The following L3MBTL4 variants were observed in gnomAD, a reference collection of about 807,000 sequenced individuals.
The protein encoded by L3MBTL4 is L3MBTL histone methyl-lysine binding protein 4, also known as lethal(3)malignant brain tumor-like protein 4.
L3MBTL4 carries 70 observed loss-of-function variants against 84.5 expected under a neutral mutation model. The ratio of observed to expected loss-of-function variants is 0.83; its 90% CI spans 0.68 to 1.01. The LOEUF (loss-of-function observed/expected upper bound fraction) is 1.01, where lower values mean the gene tolerates loss of function less well. Ranked by LOEUF, L3MBTL4 falls within the 50% of genes least tolerant of loss-of-function variation. The pLI is 0.00. For missense variants in L3MBTL4, 715 were observed against 754.8 expected (o/e 0.95, Z 0.62); for synonymous variants, 274 against 259.8 (o/e 1.05, Z -0.52).
At chr18:6,402,885 CA>C (rs1221383303) in intron 1 of L3MBTL4, among the ~76,000 whole-genome samples, 2 of 152,182 alleles carry the variant, frequency 1.3e-5, no homozygotes, top group Non-Finnish European at 2.9e-5. Context: ...ATTTGCCCTT[CA>C]GCAAACCCTC....
intron 16 of L3MBTL4, among the ~76,000 whole-genome samples, chr18:6,012,550 C>A (rs993444439): frequency 7.2e-5 from 11 of 151,966 alleles, no homozygotes; most frequent in African/African-American, 2.4e-4. Flanking sequence ...AGAGTCTGGG[C>A]GCAGTGGCTC....
At chr18:6,134,431 A>AAGTC in intron 14 of L3MBTL4, among the ~76,000 whole-genome samples, 1 of 152,238 alleles carries the variant, frequency 6.6e-6, no homozygotes, top group African/African-American at 2.4e-5. Context: ...ATTAACCCAA[A>AAGTC]AGTCCACAGT....
intron 4 of L3MBTL4, among the ~76,000 whole-genome samples, chr18:6,288,499 A>G (rs1299410274): frequency 1.3e-5 from 2 of 152,220 alleles, no homozygotes; most frequent in Non-Finnish European, 2.9e-5. Context: ...GTCAGACAGT[A>G]AACATCTGCT....
intron 13 of L3MBTL4, among the ~76,000 whole-genome samples, chr18:6,163,332 C>A (rs969675736): frequency 2.1e-5 from 3 of 139,916 alleles, no homozygotes; most frequent in Non-Finnish European, 3.0e-5. Flanking sequence ...TTTGCTTTCA[C>A]AATAGGGGCA....
chr18:6,226,415 A>C (rs1442058889), intron 10 of L3MBTL4, among the ~76,000 whole-genome samples: 2 of 152,208 alleles, frequency 1.3e-5, no homozygotes, highest in Non-Finnish European at 2.9e-5. Flanking sequence ...CCAAATAATA[A>C]TAATAAAATA....
intron 13 of L3MBTL4, among the ~76,000 whole-genome samples, chr18:6,159,429 T>C (rs1046150844): frequency 1.3e-5 from 2 of 152,250 alleles, no homozygotes; most frequent in African/African-American, 4.8e-5. Context: ...GGTTTGGATC[T>C]GATAAGTCCT....
chr18:6,031,664 G>A (rs2055807122), intron 16 of L3MBTL4: 1 of 981,136 alleles, frequency 1.0e-6, no homozygotes, highest in African/African-American at 1.8e-5. Flanking sequence ...AGCTTCACAG[G>A]TCTCATCCTC....
intron 4 of L3MBTL4, among the ~76,000 whole-genome samples, chr18:6,284,609 C>G (rs1042327756): frequency 6.6e-6 from 1 of 152,272 alleles, no homozygotes; most frequent in Non-Finnish European, 1.5e-5. Context: ...TTCCCAAGCC[C>G]CCGGTCGCTT....
chr18:6,078,677 C>T (rs1019499482), intron 16 of L3MBTL4, among the ~76,000 whole-genome samples: 1 of 152,120 alleles, frequency 6.6e-6, no homozygotes, highest in Non-Finnish European at 1.5e-5. Flanking sequence ...GCACCAGGAA[C>T]TGGTTTCATG....
At chr18:6,149,460 TG>T (rs1209549464) in intron 13 of L3MBTL4, among the ~76,000 whole-genome samples, 2 of 151,934 alleles carry the variant, frequency 1.3e-5, no homozygotes, top group African/African-American at 4.8e-5. Flanking sequence ...GTTGGACATT[TG>T]GGTTGGTTCC....
chr18:6,044,787 T>C (rs1344822780), intron 16 of L3MBTL4, among the ~76,000 whole-genome samples: 1 of 152,190 alleles, frequency 6.6e-6, no homozygotes, highest in Non-Finnish European at 1.5e-5. Context: ...CATGTCTTCT[T>C]CCCATCCTTA....
At chr18:6,343,859 T>C (rs1490098995) in intron 1 of L3MBTL4, among the ~76,000 whole-genome samples, 1 of 151,424 alleles carries the variant, frequency 6.6e-6, no homozygotes, top group Non-Finnish European at 1.5e-5. Flanking sequence ...GACAAACAAA[T>C]ATGGAAACAT....
intron 5 of L3MBTL4, among the ~76,000 whole-genome samples, chr18:6,245,266 T>C (rs1046576113): frequency 2.0e-5 from 3 of 152,162 alleles, no homozygotes; most frequent in Admixed American, 6.5e-5. Context: ...TGGAAGACTG[T>C]TCTTATATGT....
chr18:5,960,160 C>T lies in L3MBTL4; in HGVS notation c.1615-4G>A. The stretch of plus-strand genomic sequence containing the variant: ...GAGACTGTACAAACTCAGCCACCTA[C>T]AGTGCGAGATGAAAAGCCTAATTTA... On this transcript the variant is annotated splice_polypyrimidine_tract_variant and splice_region_variant and intron_variant, in intron 17 of 18. Transcript: ENST00000317931. 1.3e-6 allele frequency: 2 copies of T among 1,587,324 alleles called. No individual in the cohort carries two copies. The highest frequency in any genetic ancestry group is 8.6e-7 in the Non-Finnish European group (1 of 1,164,440).
rs2050840456 is a variant in L3MBTL4 at position 6,311,665 on chromosome 18, C to T, written c.-31-9G>A. 6.5e-7 allele frequency: 1 copy of T among 1,548,278 alleles called. No homozygotes were observed. Among genetic ancestry groups the T allele is most frequent in the Non-Finnish European group, 8.9e-7 (1 of 1,120,412 alleles). On this transcript the variant is annotated splice_polypyrimidine_tract_variant and intron_variant, in intron 2 of 18. Coordinates refer to ENST00000317931, the MANE Select transcript of L3MBTL4 (RefSeq NM_001330559.2). ...TCCTTGGCAGTGGTTTTCTGTAAAA[C>T]AGGGTTACATAAGAAGTTGGGGATG...
intron 16 of L3MBTL4, among the ~76,000 whole-genome samples, chr18:6,051,806 G>A (rs949335777): frequency 6.6e-6 from 1 of 152,022 alleles, no homozygotes; most frequent in Admixed American, 6.5e-5. Context: ...CCCCGGCACC[G>A]TAAGAGCCTA....
intron 14 of L3MBTL4, among the ~76,000 whole-genome samples, chr18:6,115,589 T>A (rs535100145): frequency 6.6e-6 from 1 of 152,218 alleles, no homozygotes; most frequent in Non-Finnish European, 1.5e-5. Context: ...GTTGAATATA[T>A]GGGTCTCTGT....
At chr18:6,285,809 A>ATTATTAT (rs1757908003) in intron 4 of L3MBTL4, among the ~76,000 whole-genome samples, 146 of 143,232 alleles carry the variant, frequency 1.0e-3, no homozygotes, top group African/African-American at 3.7e-3. Flanking sequence ...TTTAAAAGAT[A>ATTATTAT]TATTATTATT....
intron 16 of L3MBTL4, among the ~76,000 whole-genome samples, chr18:6,068,998 G>A (rs1318197727): frequency 6.6e-6 from 1 of 152,164 alleles, no homozygotes; most frequent in Admixed American, 6.6e-5. Flanking sequence ...GATACCCAGT[G>A]GGACTACCAC....
Sources: gnomAD v4.1 joint callset for allele counts (sites outside exome capture counted in the v4.1 genomes callset) on GRCh38, gnomAD v4.1.1 for gene constraint, MANE v1.5 for transcripts, NCBI Gene and HGNC (gene_info 2026-07-23, HGNC 2026-07-21) for gene names.